The following NELL2 variants were observed in gnomAD, a reference collection of about 807,000 sequenced individuals.
NELL2 encodes the protein neural EGFL like 2, also known as protein kinase C-binding protein NELL2.
Under a neutral mutation model 109.6 loss-of-function variants are expected in NELL2, and 41 were observed. The ratio of observed to expected loss-of-function variants is 0.37; its 90% confidence interval spans 0.29 to 0.49. The LOEUF is 0.49. Among genes scored for constraint, NELL2 ranks in the 20% least tolerant of loss-of-function variants. NELL2 has a pLI of 0.98. For synonymous variants in NELL2, 355 were observed against 344.7 expected (o/e 1.03, Z -0.33); for missense variants, 900 against 1,008.3 (o/e 0.89, Z 1.45).
chr12:44,898,918 C>G (rs1353893560), intron 1 of NELL2, among the ~76,000 whole-genome samples: 3 of 152,060 alleles, frequency 2.0e-5, no homozygotes, highest in African/African-American at 7.2e-5. Flanking sequence ...CATAAATGAC[C>G]TAATGGAGCT....
At chr12:44,811,561 G>A (rs950044626) in intron 3 of NELL2, among the ~76,000 whole-genome samples, 2 of 151,924 alleles carry the variant, frequency 1.3e-5, no homozygotes, top group South Asian at 2.1e-4. Context: ...CGAGCAGATA[G>A]GTCACTGTGC....
chr12:44,839,919 C>T (rs1944170960), intron 2 of NELL2, among the ~76,000 whole-genome samples: 1 of 152,162 alleles, frequency 6.6e-6, no homozygotes, highest in South Asian at 2.1e-4. Context: ...CAGACACATG[C>T]CTCAGGTCAG....
chr12:44,802,931 G>A (rs956828935), intron 3 of NELL2, among the ~76,000 whole-genome samples: 3 of 151,882 alleles, frequency 2.0e-5, no homozygotes, highest in African/African-American at 7.2e-5. Flanking sequence ...AATAAAATTC[G>A]AATTTCTCCC....
At chr12:44,873,700 T>A (rs1193105984) in intron 2 of NELL2, among the ~76,000 whole-genome samples, 1 of 151,066 alleles carries the variant, frequency 6.6e-6, no homozygotes. Context: ...TTCATAGGGA[T>A]TAAAAATCAG....
At chr12:44,771,776 C>A (rs570310315) in intron 9 of NELL2, among the ~76,000 whole-genome samples, 1 of 152,298 alleles carries the variant, frequency 6.6e-6, no homozygotes, top group African/African-American at 2.4e-5. Context: ...TATTTATATT[C>A]AGATAACGAG....
intron 13 of NELL2, among the ~76,000 whole-genome samples, chr12:44,625,138 T>G (rs1409367525): frequency 6.6e-6 from 1 of 151,640 alleles, no homozygotes; most frequent in African/African-American, 2.4e-5. Context: ...TCTCTGTCAC[T>G]ACTTCAGGAC....
chr12:44,612,893 T>C (rs560716596), intron 13 of NELL2, among the ~76,000 whole-genome samples: 2 of 152,112 alleles, frequency 1.3e-5, no homozygotes, highest in South Asian at 2.1e-4. Flanking sequence ...GCATCTAGCA[T>C]GATAATGTTC....
chr12:44,668,509 G>T (rs1415481417), intron 12 of NELL2, among the ~76,000 whole-genome samples: 1 of 152,040 alleles, frequency 6.6e-6, no homozygotes, highest in African/African-American at 2.4e-5. Flanking sequence ...CAGGGCCCAG[G>T]TGCACCATCA....
intron 3 of NELL2, among the ~76,000 whole-genome samples, chr12:44,808,530 T>C (rs934153362): frequency 6.6e-6 from 1 of 152,020 alleles, no homozygotes; most frequent in East Asian, 1.9e-4. Context: ...AAGTAAAGTT[T>C]TTTAATTATG....
chr12:44,681,515 C>A (rs1203637654), intron 12 of NELL2, among the ~76,000 whole-genome samples: 1 of 151,968 alleles, frequency 6.6e-6, no homozygotes, highest in Non-Finnish European at 1.5e-5. Flanking sequence ...GCGCTGCACC[C>A]ATTAACTCGT....
chr12:44,872,145 C>G (rs2658971), intron 2 of NELL2, among the ~76,000 whole-genome samples: 3,056 of 151,842 alleles, frequency 0.02, 111 homozygotes, highest in African/African-American at 0.07. Flanking sequence ...AAAGTAGAAC[C>G]CTTTATAACC....
At chr12:44,637,730 C>A (rs1202167987) in intron 13 of NELL2, among the ~76,000 whole-genome samples, 1 of 151,266 alleles carries the variant, frequency 6.6e-6, no homozygotes, top group African/African-American at 2.4e-5. Context: ...CCAAATGCAA[C>A]AACCTCAGTT....
At chr12:44,623,501 T>A (rs1289600573) in intron 13 of NELL2, among the ~76,000 whole-genome samples, 1 of 152,174 alleles carries the variant, frequency 6.6e-6, no homozygotes, top group Admixed American at 6.5e-5. Flanking sequence ...TTAAAGAATT[T>A]AAAATGGATT....
chr12:44,553,126 G>A (rs1592107936), intron 15 of NELL2, among the ~76,000 whole-genome samples: 2 of 111,338 alleles, frequency 1.8e-5, no homozygotes, highest in South Asian at 8.1e-4. Context: ...TGGTGGGGTC[G>A]GGGGAGGGGG....
intron 12 of NELL2, among the ~76,000 whole-genome samples, chr12:44,684,396 G>GT (rs1012487902): frequency 1.9e-4 from 29 of 152,002 alleles, no homozygotes; most frequent in Non-Finnish European, 3.5e-4. Context: ...TTTTTGAAGG[G>GT]TTTTTTGTGT....
At chr12:44,871,320 G>A (rs187967529) in intron 2 of NELL2, among the ~76,000 whole-genome samples, 12 of 152,180 alleles carry the variant, frequency 7.9e-5, no homozygotes, top group Admixed American at 6.5e-4. Context: ...ATTGTTCAAC[G>A]GCTATTTTTA....
chr12:44,740,322 T>C (rs1312285307), intron 9 of NELL2, among the ~76,000 whole-genome samples: 4 of 152,148 alleles, frequency 2.6e-5, no homozygotes, highest in Non-Finnish European at 5.9e-5. Flanking sequence ...CTGGATATAA[T>C]TCCTATAATT....
At chr12:44,815,530 A>G (rs969778409) in intron 3 of NELL2, among the ~76,000 whole-genome samples, 3 of 152,260 alleles carry the variant, frequency 2.0e-5, no homozygotes, top group East Asian at 1.9e-4. Context: ...CCTGAAAAGC[A>G]GCAGCTCCTT....
chr12:44,865,824 ATT>A (rs371472652), intron 2 of NELL2, among the ~76,000 whole-genome samples: 3 of 52,262 alleles, frequency 5.7e-5, no homozygotes, highest in Admixed American at 2.0e-4. Flanking sequence ...AAAAAAAAAA[ATT>A]AAAAAAAAAA....
Sources: allele counts gnomAD v4.1 joint callset (sites outside exome capture counted in the v4.1 genomes callset), GRCh38; gene constraint gnomAD v4.1.1; transcripts MANE v1.5; gene names NCBI Gene and HGNC (gene_info 2026-07-23, HGNC 2026-07-21).